Variants in SCN9A observed in about 807,000 individuals in gnomAD.
SCN9A encodes the protein sodium voltage-gated channel alpha subunit 9.
SCN9A carries 131 observed loss-of-function variants against 187.0 expected under a neutral mutation model. That is an observed-to-expected ratio of 0.70 (90% CI 0.61 to 0.81). SCN9A has a LOEUF of 0.81. SCN9A is among the 30% of genes least tolerant of loss of function. The probability of loss-of-function intolerance (pLI) is 0.00; values close to 1 mark genes in which losing one functional copy is unlikely to be tolerated. For missense variants in SCN9A, 2,252 were observed against 2,396.6 expected (o/e 0.94, Z 1.26); for synonymous variants, 809 against 808.6 (o/e 1.00, Z -0.01).
At chr2:166,240,586 T>G (rs1695522522) in intron 19 of SCN9A, among the ~76,000 whole-genome samples, 1 of 152,198 alleles carries the variant, frequency 6.6e-6, no homozygotes, top group South Asian at 2.1e-4. Context: ...GGGATAAACC[T>G]CCTTAGTTAC....
chr2:166,373,329 A>ATTTTTTTTT (rs745531940), intron 1 of SCN9A, among the ~76,000 whole-genome samples: 1 of 145,254 alleles, frequency 6.9e-6, no homozygotes. Context: ...TTTTTTTTTA[A>ATTTTTTTTT]ATGCAGTTGT....
intron 1 of SCN9A, among the ~76,000 whole-genome samples, chr2:166,317,752 T>C (rs138341036): frequency 0.016 from 2,509 of 152,336 alleles, 85 homozygotes; most frequent in African/African-American, 0.057. Context: ...AAAATGGTCT[T>C]ATCCCATGTG....
intron 17 of SCN9A, among the ~76,000 whole-genome samples, chr2:166,268,994 C>T (rs889604902): frequency 6.6e-6 from 1 of 151,834 alleles, no homozygotes; most frequent in African/African-American, 2.4e-5. Flanking sequence ...AAAATACTAG[C>T]TTGTGTATCT....
intron 7 of SCN9A, among the ~76,000 whole-genome samples, chr2:166,300,082 T>G (rs1218934206): frequency 2.0e-5 from 3 of 150,904 alleles, no homozygotes; most frequent in Admixed American, 6.6e-5. Context: ...AACTTACCTT[T>G]CTTATTCCCA....
At chr2:166,303,709 A>G (rs1245182166) in intron 6 of SCN9A, among the ~76,000 whole-genome samples, 2 of 152,180 alleles carry the variant, frequency 1.3e-5, no homozygotes, top group African/African-American at 4.8e-5. Flanking sequence ...AATGTCATGC[A>G]ATATCCCCAT....
chr2:166,334,601 T>C (rs1039544021), intron 1 of SCN9A, among the ~76,000 whole-genome samples: 8 of 152,142 alleles, frequency 5.3e-5, no homozygotes, highest in African/African-American at 1.9e-4. Flanking sequence ...AGTCTTTTTA[T>C]GAGAAAATTA....
At position 166,251,909 on chromosome 2, in the gene SCN9A, C is replaced by T. The variant is rs1696058751; in HGVS notation, c.3352-24G>A. The T allele has an allele frequency of 2.5e-6, 4 of 1,610,586 alleles. No homozygotes were observed. In the African/African-American group the frequency reaches 5.4e-5, roughly 22 times the overall value. On this transcript the variant is annotated intron_variant, in intron 17 of 26. Transcript: ENST00000642356. Reference sequence around the variant, plus strand: ...CTCTAGAAAGGAATTCACCACCCCACCAGGTAGTTCATTTAGAGTTCATTC... The same window carrying T: ...CTCTAGAAAGGAATTCACCACCCCATCAGGTAGTTCATTTAGAGTTCATTC...
At chr2:166,205,993 T>G (rs971624042) in intron 24 of SCN9A, among the ~76,000 whole-genome samples, 2 of 152,154 alleles carry the variant, frequency 1.3e-5, no homozygotes, top group African/African-American at 4.8e-5. Flanking sequence ...AGAATGGCAA[T>G]CACTAAAAAG....
At chr2:166,290,524 C>T (rs78103714) in intron 9 of SCN9A, among the ~76,000 whole-genome samples, 1 of 152,164 alleles carries the variant, frequency 6.6e-6, no homozygotes, top group African/African-American at 2.4e-5. Context: ...CTAATTTACA[C>T]TCCCACCAAC....
At chr2:166,355,670 T>C (rs1700136098) in intron 1 of SCN9A, among the ~76,000 whole-genome samples, 2 of 152,212 alleles carry the variant, frequency 1.3e-5, no homozygotes, top group South Asian at 4.1e-4. Context: ...TTTAAAGGAA[T>C]TATGCAGTAA....
chr2:166,202,610 T>A (rs2106343887), intron 26 of SCN9A, among the ~76,000 whole-genome samples: 1 of 151,958 alleles, frequency 6.6e-6, no homozygotes, highest in East Asian at 1.9e-4. Flanking sequence ...TTAATTACAA[T>A]GAGAGAAGCT....
intron 1 of SCN9A, among the ~76,000 whole-genome samples, chr2:166,342,034 G>A (rs1881439): frequency 0.35 from 53,926 of 151,932 alleles, 10,639 homozygotes; most frequent in Non-Finnish European, 0.44. Flanking sequence ...TGGCATAAAT[G>A]TTTGTCAAAA....
At chr2:166,332,506 A>C (rs1699529243) in intron 1 of SCN9A, among the ~76,000 whole-genome samples, 1 of 152,188 alleles carries the variant, frequency 6.6e-6, no homozygotes, top group African/African-American at 2.4e-5. Context: ...TAAGTGATTA[A>C]AGCATTTCTT....
At chr2:166,260,691 A>G (rs2106440526) in intron 17 of SCN9A, among the ~76,000 whole-genome samples, 1 of 151,928 alleles carries the variant, frequency 6.6e-6, no homozygotes, top group East Asian at 1.9e-4. Flanking sequence ...ATATTTCATG[A>G]GTGTAATTTA....
chr2:166,252,179 T>C (rs892406603), intron 17 of SCN9A, among the ~76,000 whole-genome samples: 3 of 152,098 alleles, frequency 2.0e-5, no homozygotes, highest in Non-Finnish European at 4.4e-5. Flanking sequence ...AACTATCACT[T>C]TTGGAAAGTA....
intron 1 of SCN9A, among the ~76,000 whole-genome samples, chr2:166,326,082 G>A (rs1346992346): frequency 6.6e-6 from 1 of 152,030 alleles, no homozygotes; most frequent in African/African-American, 2.4e-5. Flanking sequence ...TTTCCAGATG[G>A]ATCTGAAAAC....
intron 24 of SCN9A, among the ~76,000 whole-genome samples, chr2:166,213,700 G>A (rs1315962921): frequency 6.6e-6 from 1 of 152,112 alleles, no homozygotes. Context: ...TGTAAGAAAA[G>A]AAAATTACAG....
chr2:166,326,548 G>A (rs1451325311), intron 1 of SCN9A, among the ~76,000 whole-genome samples: 3 of 152,140 alleles, frequency 2.0e-5, no homozygotes, highest in Non-Finnish European at 4.4e-5. Flanking sequence ...AAGAATAAAT[G>A]CTACACAACA....
At chr2:166,255,581 C>A (rs1558986489) in intron 17 of SCN9A, among the ~76,000 whole-genome samples, 2 of 151,406 alleles carry the variant, frequency 1.3e-5, no homozygotes, top group East Asian at 3.9e-4. Context: ...CAGCACTGTA[C>A]AAAACACAGA....
Sources: gnomAD v4.1 joint callset for allele counts (sites outside exome capture counted in the v4.1 genomes callset) on GRCh38, gnomAD v4.1.1 for gene constraint, MANE v1.5 for transcripts, NCBI Gene and HGNC (gene_info 2026-07-23, HGNC 2026-07-21) for gene names.